Variants in SUCLG2 observed in about 807,000 individuals in gnomAD.
SUCLG2 encodes the protein succinate--CoA ligase [GDP-forming] subunit beta, mitochondrial.
A neutral mutation model predicts 47.9 loss-of-function variants in SUCLG2; 42 were observed. That is an observed-to-expected ratio of 0.88 (90% CI 0.69 to 1.14). The LOEUF is 1.14. SUCLG2 is among the 50% of genes most tolerant of loss of function. SUCLG2 has a pLI of 0.00. For missense variants in SUCLG2, 571 were observed against 525.9 expected (o/e 1.09, Z -0.84); for synonymous variants, 195 against 197.3 (o/e 0.99, Z 0.10).
downstream of SUCLG2, among the ~76,000 whole-genome samples, chr3:67,374,459 A>T (rs1007401648): frequency 6.6e-6 from 1 of 152,202 alleles, no homozygotes; most frequent in African/African-American, 2.4e-5. Flanking sequence ...TGCGTTACGC[A>T]GACTGACATC....
intron 9 of SUCLG2, among the ~76,000 whole-genome samples, chr3:67,472,420 T>G (rs965383828): frequency 2.0e-5 from 3 of 152,172 alleles, no homozygotes; most frequent in Non-Finnish European, 2.9e-5. Flanking sequence ...ATATACTGGA[T>G]TTTACTCTAT....
intron 9 of SUCLG2, among the ~76,000 whole-genome samples, chr3:67,469,564 C>T (rs7639591): frequency 0.025 from 3,793 of 150,746 alleles, 155 homozygotes; most frequent in African/African-American, 0.087. Flanking sequence ...CCCGTCTCTA[C>T]TAAAAAATAC....
chr3:67,626,596 A>G (rs1360461171), intron 1 of SUCLG2, among the ~76,000 whole-genome samples: 1 of 152,112 alleles, frequency 6.6e-6, no homozygotes, highest in Non-Finnish European at 1.5e-5. Context: ...AAAAAGTTGA[A>G]GGAGGACATA....
At chr3:67,474,307 C>G (rs990987018) in intron 9 of SUCLG2, among the ~76,000 whole-genome samples, 1 of 151,906 alleles carries the variant, frequency 6.6e-6, no homozygotes, top group Non-Finnish European at 1.5e-5. Context: ...AACAGACTAA[C>G]ATTTTCTAGA....
At chr3:67,444,003 A>T in intron 9 of SUCLG2, among the ~76,000 whole-genome samples, 1 of 109,826 alleles carries the variant, frequency 9.1e-6, no homozygotes, top group South Asian at 4.2e-4. Context: ...CCCATCCGGG[A>T]GGGAGGTGGG....
At chr3:67,562,957 T>C (rs1005784236) in intron 2 of SUCLG2, among the ~76,000 whole-genome samples, 1 of 151,888 alleles carries the variant, frequency 6.6e-6, no homozygotes, top group Non-Finnish European at 1.5e-5. Flanking sequence ...AATGGAAAAC[T>C]ATATAATTTA....
intron 1 of SUCLG2, among the ~76,000 whole-genome samples, chr3:67,624,806 T>C (rs968151270): frequency 1.3e-5 from 2 of 152,014 alleles, no homozygotes; most frequent in East Asian, 3.9e-4. Flanking sequence ...GAAAAAAAAA[T>C]TTATACCCAA....
intron 9 of SUCLG2, among the ~76,000 whole-genome samples, chr3:67,433,791 C>A (rs541209926): frequency 1.0e-4 from 15 of 148,144 alleles, no homozygotes; most frequent in Non-Finnish European, 1.9e-4. Context: ...GTATGAGGTG[C>A]GGGATTTAGT....
intron 2 of SUCLG2, among the ~76,000 whole-genome samples, chr3:67,539,592 G>C (rs1273809406): frequency 2.6e-5 from 4 of 152,170 alleles, no homozygotes; most frequent in Admixed American, 2.6e-4. Flanking sequence ...TTAGGGACGA[G>C]TCCCTCCTTT....
chr3:67,435,429 G>A (rs931176687), intron 9 of SUCLG2, among the ~76,000 whole-genome samples: 1 of 152,160 alleles, frequency 6.6e-6, no homozygotes, highest in Admixed American at 6.5e-5. Flanking sequence ...TCCACCACAT[G>A]GCGATAATGG....
At chr3:67,571,022 T>G (rs1325536159) in intron 2 of SUCLG2, among the ~76,000 whole-genome samples, 1 of 152,160 alleles carries the variant, frequency 6.6e-6, no homozygotes, top group East Asian at 1.9e-4. Context: ...CATGTAGGGA[T>G]GAAACCTCAG....
intron 2 of SUCLG2, among the ~76,000 whole-genome samples, chr3:67,565,837 G>A (rs1234802949): frequency 6.6e-6 from 1 of 152,204 alleles, no homozygotes; most frequent in Non-Finnish European, 1.5e-5. Context: ...AGGGTGAATT[G>A]AACACTACAC....
Position 67,545,054 on chromosome 3 carries a change from GCCC to G in SUCLG2, c.227-15871_227-15869del, listed in dbSNP as rs1403819419. On this transcript the variant is annotated intron_variant, in intron 2 of 10. Transcript: ENST00000307227. ...GGTAAGCTAACTCTCAGATAAAACA[GCCC>G]CCAGCCAGGTAAGCTAACTCTCCTA... Among the ~76,000 whole-genome samples, 6 of 152,176 alleles carry G rather than the reference GCCC, an allele frequency of 3.9e-5. No homozygotes were observed. In the East Asian group the frequency reaches 1.2e-3, roughly 29 times the overall value.
rs553539961 is a variant in SUCLG2, at chr3:67,454,927, AC to A, written c.1062+40870del. Among the ~76,000 whole-genome samples the A allele has an allele frequency of 7.0e-3, 1,037 of 148,328 alleles. 15 individuals are homozygous for A. The highest frequency in any genetic ancestry group is 0.025 in the African/African-American group (980 of 39,766). ...TAGTGAGCAGAGATGGCGCCACTGC[AC>A]TCCAGCCTGGGCGACAGAGTGAGAC... is the stretch of plus-strand genomic sequence containing the variant. On this transcript the variant is annotated intron_variant, in intron 9 of 10. Transcript: ENST00000307227.
chr3:67,482,247 G>A (rs1429956873), intron 9 of SUCLG2, among the ~76,000 whole-genome samples: 1 of 152,166 alleles, frequency 6.6e-6, no homozygotes, highest in Non-Finnish European at 1.5e-5. Context: ...ATTGTTGATT[G>A]CAGGCTGGAT....
intron 6 of SUCLG2, among the ~76,000 whole-genome samples, chr3:67,516,115 C>T (rs1026609927): frequency 2.6e-5 from 4 of 152,152 alleles, no homozygotes; most frequent in African/African-American, 7.2e-5. Context: ...TGAGCAGCAC[C>T]CTATCAGTGC....
intron 9 of SUCLG2, among the ~76,000 whole-genome samples, chr3:67,439,509 T>A (rs1703706698): frequency 6.6e-6 from 1 of 152,236 alleles, no homozygotes; most frequent in Admixed American, 6.5e-5. Flanking sequence ...CCAAATTTTC[T>A]TAAGCTAATA....
intron 9 of SUCLG2, among the ~76,000 whole-genome samples, chr3:67,468,162 C>A (rs144958491): frequency 1.3e-5 from 2 of 152,232 alleles, no homozygotes; most frequent in African/African-American, 4.8e-5. Context: ...GTTTTCTGAG[C>A]GAATCTTCAA....
chr3:67,410,927 T>G (rs1342993343), intron 9 of SUCLG2, among the ~76,000 whole-genome samples: 1 of 152,184 alleles, frequency 6.6e-6, no homozygotes, highest in Admixed American at 6.5e-5. Context: ...TGGTGCAGAT[T>G]GAGAATATTT....
Sources: allele counts gnomAD v4.1 joint callset (sites outside exome capture counted in the v4.1 genomes callset), GRCh38; gene constraint gnomAD v4.1.1; transcripts MANE v1.5; gene names NCBI Gene and HGNC (gene_info 2026-07-23, HGNC 2026-07-21).